Variants in RIPOR2 observed in about 807,000 individuals in gnomAD.
RIPOR2 encodes rho family-interacting cell polarization regulator 2.
RIPOR2 carries 39 observed loss-of-function variants against 114.5 expected under a neutral mutation model. That is an observed-to-expected ratio of 0.34 (90% CI 0.26 to 0.44). RIPOR2 has a LOEUF of 0.44. Among genes scored for constraint, RIPOR2 ranks in the 20% least tolerant of loss-of-function variants. The pLI, the probability that RIPOR2 is intolerant of heterozygous loss-of-function variation, is 1.00. For missense variants in RIPOR2, 1,007 were observed against 1,255.1 expected (o/e 0.80, Z 2.99); for synonymous variants, 445 against 484.4 (o/e 0.92, Z 1.07).
chr6:24,998,775 A>G (rs914173179), intron 1 of RIPOR2, among the ~76,000 whole-genome samples: 1 of 152,234 alleles, frequency 6.6e-6, no homozygotes, highest in African/African-American at 2.4e-5. Context: ...ATTGTGGAAC[A>G]GGAATTCCAA....
Position 25,003,398 on chromosome 6 carries a change from T to C in RIPOR2, c.76+38453A>G, listed in dbSNP as rs932981083. Among the ~76,000 whole-genome samples the C allele has an allele frequency of 1.1e-3, 158 of 144,432 alleles. 1 individual carries two copies. The highest frequency in any genetic ancestry group is 3.5e-3 in the African/African-American group (139 of 39,610). 94.8% of individuals were successfully genotyped at this position (144,432 alleles called of 152,430 possible). On this transcript the variant is annotated intron_variant, in intron 1 of 13. Coordinates refer to the RIPOR2 transcript ENST00000510784. ...CAGAATTAACACATTATTATTATTA[T>C]TATTATTATTATTATTATTATTATT...
Position 24,831,574 on chromosome 6 carries a change from C to T in RIPOR2, c.2344+682G>A, listed in dbSNP as rs149499058. 7.0e-4 allele frequency among the ~76,000 whole-genome samples: 106 copies of T among 152,246 alleles called. 1 individual carries two copies. Among genetic ancestry groups the T allele is most frequent in the African/African-American group, 2.4e-3 (98 of 41,526 alleles). On this transcript the variant is annotated intron_variant, in intron 16 of 21. Coordinates refer to ENST00000643898, the MANE Select transcript of RIPOR2 (RefSeq NM_001286445.3). Reference sequence around the variant, plus strand: ...GCCCCTCTTCATGCCCCTCAGAGACCGGCCAAGGTCACCTACTTCTAGTGG... The same window carrying T: ...GCCCCTCTTCATGCCCCTCAGAGACTGGCCAAGGTCACCTACTTCTAGTGG...
At chr6:25,023,564 T>C (rs557295079) in intron 1 of RIPOR2, 1 of 772,182 alleles carries the variant, frequency 1.3e-6, no homozygotes, top group Non-Finnish European at 2.4e-6. Context: ...CAGGCCTTGT[T>C]TGATTTTGCA....
At chr6:24,827,463 T>C (rs4610554) in intron 18 of RIPOR2, among the ~76,000 whole-genome samples, 50,582 of 152,214 alleles carry the variant, frequency 0.33, 9,159 homozygotes, top group East Asian at 0.68. Flanking sequence ...CTCATTCCTC[T>C]TGTCCCTTTT....
chr6:24,853,993 G>T (rs1763199004), intron 8 of RIPOR2, among the ~76,000 whole-genome samples: 1 of 151,970 alleles, frequency 6.6e-6, no homozygotes, highest in Non-Finnish European at 1.5e-5. Context: ...GGTGGTGCAT[G>T]CCTGTAGTCC....
intron 1 of RIPOR2, among the ~76,000 whole-genome samples, chr6:25,019,792 A>G (rs1321845069): frequency 2.0e-5 from 3 of 149,786 alleles, no homozygotes; most frequent in Non-Finnish European, 4.4e-5. Flanking sequence ...AAAAAAAAAA[A>G]AAAAAAGAAA....
At chr6:24,881,989 G>A (rs887340060) in intron 1 of RIPOR2, among the ~76,000 whole-genome samples, 2 of 152,212 alleles carry the variant, frequency 1.3e-5, no homozygotes, top group Non-Finnish European at 2.9e-5. Flanking sequence ...AGAACTTGGA[G>A]ATAACCTGTC....
chr6:24,922,487 C>T (rs1461114637), intron 1 of RIPOR2, among the ~76,000 whole-genome samples: 1 of 152,206 alleles, frequency 6.6e-6, no homozygotes, highest in African/African-American at 2.4e-5. Flanking sequence ...GAAAAAGCAA[C>T]TGCTCTGTAG....
intron 14 of RIPOR2, 138 bp downstream of exon 14, chr6:24,838,953 A>T: frequency 1.6e-6 from 1 of 633,892 alleles, no homozygotes; most frequent in Non-Finnish European, 2.6e-6. Flanking sequence ...ATAAAAAGGA[A>T]CTGTAAGCCA....
At chr6:24,966,038 A>G (rs1357392513) in intron 1 of RIPOR2, among the ~76,000 whole-genome samples, 1 of 152,246 alleles carries the variant, frequency 6.6e-6, no homozygotes, top group Non-Finnish European at 1.5e-5. Flanking sequence ...TGATTGCTTT[A>G]TTAGAAAAAC....
chr6:25,032,446 C>T (rs1375670944), intron 1 of RIPOR2, among the ~76,000 whole-genome samples: 1 of 152,176 alleles, frequency 6.6e-6, no homozygotes, highest in African/African-American at 2.4e-5. Context: ...CCTCAGAAAC[C>T]AGGCACCCCT....
rs10564019 is a variant in RIPOR2 at position 25,022,532 on chromosome 6, ATTTTTTTTTTTTTTTTTTTT to A, written c.76+19299_76+19318del. Among the ~76,000 whole-genome samples, 5 of 40,994 alleles carry A rather than the reference ATTTTTTTTTTTTTTTTTTTT, an allele frequency of 1.2e-4. No individual in the cohort carries two copies. The East Asian group carries it at 4.3e-3, about 35-fold the overall frequency. 26.9% of individuals were successfully genotyped at this position (40,994 alleles called of 152,430 possible). A position where few individuals can be genotyped will look rare whatever the true frequency, so the allele number is the denominator to read the frequency against. On this transcript the variant is annotated intron_variant, in intron 1 of 13. Transcript: ENST00000510784. The stretch of plus-strand genomic sequence containing the variant: ...ACATATAACTAATGTGGTACCTTCC[ATTTTTTTTTTTTTTTTTTTT>A]TTTTTTTTTTTTTTTTAGACAGGTT...
chr6:24,882,279 A>G (rs1766422438), intron 1 of RIPOR2, among the ~76,000 whole-genome samples: 1 of 152,208 alleles, frequency 6.6e-6, no homozygotes, highest in South Asian at 2.1e-4. Flanking sequence ...AATTTCAGCA[A>G]TTTCACTACG....
At chr6:24,931,686 A>T (rs898516984) in intron 1 of RIPOR2, among the ~76,000 whole-genome samples, 1 of 152,224 alleles carries the variant, frequency 6.6e-6, no homozygotes, top group Admixed American at 6.5e-5. Flanking sequence ...AAAGGCATGT[A>T]AGTGTCCAGG....
intron 19 of RIPOR2, among the ~76,000 whole-genome samples, chr6:24,818,884 T>C (rs1038352009): frequency 1.3e-4 from 20 of 151,710 alleles, no homozygotes; most frequent in African/African-American, 4.4e-4. Context: ...AGTAACATAA[T>C]GACCGTGGGC....
intron 1 of RIPOR2, among the ~76,000 whole-genome samples, chr6:24,961,532 T>A (rs1773309108): frequency 6.6e-6 from 1 of 152,132 alleles, no homozygotes; most frequent in Non-Finnish European, 1.5e-5. Flanking sequence ...ACTTTCCTTG[T>A]ATATGGGGTG....
In RIPOR2 at chr6:24,806,387, C is replaced by T. The variant is rs750363302; in HGVS notation, c.3130G>A (p.Ala1044Thr). ...TTAACCTGTAATTAAAAGGCTGTGGCAACTTCAGTTCCATGACGACCTCCG... is the reference window on the plus strand; with the variant it reads ...TTAACCTGTAATTAAAAGGCTGTGGTAACTTCAGTTCCATGACGACCTCCG... ...KVGGRHGTEVATAF is the reference protein window; with the variant it reads ...KVGGRHGTEVTTAF Residue 1044 changes from alanine to threonine, a missense_variant, in exon 22 of 22, where the codon GCC (alanine) becomes ACC (threonine). Physicochemically the swap from Ala to Thr is moderately conservative, Grantham distance 58. Transcript: ENST00000643898. 3.3e-4 allele frequency: 516 copies of T among 1,550,284 alleles called. No individual in the cohort carries two copies. The highest frequency in any genetic ancestry group is 4.3e-4 in the Non-Finnish European group (490 of 1,145,976).
At chr6:24,895,717 G>A (rs528416927) in intron 1 of RIPOR2, among the ~76,000 whole-genome samples, 3 of 152,298 alleles carry the variant, frequency 2.0e-5, no homozygotes, top group South Asian at 2.1e-4. Context: ...TCGGCCGGGC[G>A]CTGTGGCTCA....
intron 1 of RIPOR2, among the ~76,000 whole-genome samples, chr6:24,897,855 C>T (rs1322998076): frequency 1.7e-4 from 26 of 152,092 alleles, no homozygotes; most frequent in Non-Finnish European, 1.5e-5. Flanking sequence ...CAACCTCCAC[C>T]TCCAAGGCTC....
Sources: gnomAD v4.1 joint callset for allele counts (sites outside exome capture counted in the v4.1 genomes callset) on GRCh38, gnomAD v4.1.1 for gene constraint, MANE v1.5 for transcripts, NCBI Gene and HGNC (gene_info 2026-07-23, HGNC 2026-07-21) for gene names.